The following MPPED1 variants were observed in gnomAD, a reference collection of about 807,000 sequenced individuals.
MPPED1 encodes the protein metallophosphoesterase domain containing 1, also known as metallophosphoesterase domain-containing protein 1.
MPPED1 carries 16 observed loss-of-function variants against 36.2 expected under a neutral mutation model. That is an observed-to-expected ratio of 0.44 (90% CI 0.30 to 0.67). MPPED1 has a LOEUF of 0.67. Ranked by LOEUF, MPPED1 falls within the 30% of genes least tolerant of loss-of-function variation. The probability of loss-of-function intolerance (pLI) is 0.10; values close to 1 mark genes in which losing one functional copy is unlikely to be tolerated. For synonymous variants in MPPED1, 199 were observed against 191.3 expected (o/e 1.04, Z -0.33); for missense variants, 307 against 453.4 (o/e 0.68, Z 2.93).
intron 2 of MPPED1, among the ~76,000 whole-genome samples, chr22:43,428,226 G>A (rs557328330): frequency 6.6e-6 from 1 of 152,284 alleles, no homozygotes; most frequent in African/African-American, 2.4e-5. Context: ...ATTCACACCT[G>A]GCCTGCCCCA....
intron 3 of MPPED1, among the ~76,000 whole-genome samples, chr22:43,441,624 T>G (rs1930152063): frequency 6.6e-6 from 1 of 151,824 alleles, no homozygotes; most frequent in African/African-American, 2.4e-5. Context: ...GGTAATGGAG[T>G]ATTTAGAAGT....
intron 4 of MPPED1, among the ~76,000 whole-genome samples, chr22:43,485,916 G>T (rs772074452): frequency 6.6e-6 from 1 of 152,198 alleles, no homozygotes; most frequent in African/African-American, 2.4e-5. Flanking sequence ...TGCCAGCTCC[G>T]CACTGCCCTG....
chr22:43,502,798 C>T lies in MPPED1; in HGVS notation c.862+41C>T. On this transcript the variant is annotated intron_variant, in intron 6 of 6. Transcript: ENST00000443721. The surrounding 1 kb of genome is among the most constrained non-coding windows in gnomAD (Gnocchi z 5.5). ...AGACAGGCACCTCACGGGCTAGGGG[C>T]TCCTAATGGACCCTCCAGCAGGACC... The T allele has an allele frequency of 4.6e-6, 7 of 1,537,260 alleles. No individual in the cohort carries two copies. Among genetic ancestry groups the T allele is most frequent in the Non-Finnish European group, 6.3e-6 (7 of 1,110,880 alleles).
Position 43,498,332 on chromosome 22 carries a change from A to T in MPPED1, c.730A>T (p.Thr244Ser), listed in dbSNP as rs942792441. 1.3e-6 allele frequency: 2 copies of T among 1,534,752 alleles called. No individual in the cohort carries two copies. The highest frequency in any genetic ancestry group is 1.7e-6 in the Non-Finnish European group (2 of 1,146,292). The change falls in exon 5 of 7, where the codon ACC becomes TCC. Residue 244 changes from threonine to serine, a missense_variant. Thr to Ser is a moderately conservative substitution (Grantham distance 58). Transcript: ENST00000443721. ...LIPEGVDILI[T>S]HGPPLGFLDW... ...TCCCGAAGGCGTAGACATCCTGATA[A>T]CCCATGGACCACCACTGGGTAAGGC...
intron 3 of MPPED1, among the ~76,000 whole-genome samples, chr22:43,464,387 C>G (rs894926103): frequency 1.3e-5 from 2 of 151,794 alleles, no homozygotes; most frequent in African/African-American, 4.8e-5. Flanking sequence ...TTTGGGCAAG[C>G]CCTATATTGA....
intron 3 of MPPED1, among the ~76,000 whole-genome samples, chr22:43,447,370 A>T (rs1489314873): frequency 1.3e-5 from 2 of 152,150 alleles, no homozygotes; most frequent in African/African-American, 2.4e-5. Context: ...TTATTCCAGA[A>T]CAGGAATAAT....
chr22:43,426,541 A>T (rs1929480963), intron 2 of MPPED1, among the ~76,000 whole-genome samples: 1 of 152,150 alleles, frequency 6.6e-6, no homozygotes, highest in African/African-American at 2.4e-5. Flanking sequence ...TGCTTGTGGC[A>T]TCCCAGCCGC....
At chr22:43,465,757 G>C (rs955953120) in intron 3 of MPPED1, among the ~76,000 whole-genome samples, 1 of 152,202 alleles carries the variant, frequency 6.6e-6, no homozygotes, top group East Asian at 1.9e-4. Context: ...TCAGAAGGAA[G>C]GGCGGGAAGA....
At chr22:43,413,896 C>T (rs1423469295) in intron 1 of MPPED1, among the ~76,000 whole-genome samples, 1 of 152,142 alleles carries the variant, frequency 6.6e-6, no homozygotes, top group Non-Finnish European at 1.5e-5. Context: ...TATTTCTCGG[C>T]CCCAGGAATT....
At chr22:43,505,177 A>C (rs1033090617) in intron 6 of MPPED1, among the ~76,000 whole-genome samples, 3 of 149,320 alleles carry the variant, frequency 2.0e-5, no homozygotes, top group African/African-American at 7.4e-5. Flanking sequence ...ATGGTGGTAC[A>C]GTGGTGGTGG....
intron 4 of MPPED1, among the ~76,000 whole-genome samples, chr22:43,491,085 A>G (rs375617272): frequency 7.2e-5 from 11 of 152,322 alleles, no homozygotes; most frequent in African/African-American, 2.6e-4. Context: ...TGGACTCTCA[A>G]ATCTTGGGGA....
chr22:43,495,311 ATGGTGGTGGTGATGGTGGT>A, intron 4 of MPPED1, among the ~76,000 whole-genome samples: 1 of 54,150 alleles, frequency 1.8e-5, no homozygotes, highest in Middle Eastern at 0.014. Context: ...GATGGTGGTG[ATGGTGGTGGTGATGGTGGT>A]GGTAGTGATG....
At chr22:43,458,109 G>GT (rs1190024933) in intron 3 of MPPED1, among the ~76,000 whole-genome samples, 1 of 152,098 alleles carries the variant, frequency 6.6e-6, no homozygotes, top group East Asian at 1.9e-4. Flanking sequence ...GTAGTAGGCT[G>GT]TATGATCTAG....
chr22:43,474,818 C>T lies in MPPED1; in HGVS notation c.489C>T (p.Ile163=), dbSNP rs1188301591. 1.2e-6 allele frequency: 2 copies of T among 1,614,074 alleles called. No individual in the cohort carries two copies. The highest frequency in any genetic ancestry group is 8.5e-7 in the Non-Finnish European group (1 of 1,179,910). ...TFDQEFMADL[I]KQDFYYFPSV... ...ACCAGGAGTTCATGGCCGACCTCAT[C>T]AAGCAGGACTTTTACTACTTCCCAT... Residue 163 remains isoleucine (I), a synonymous_variant, in exon 4 of 7, where the codon ATC becomes ATT. Transcript: ENST00000443721. The surrounding 1 kb of genome is among the most constrained non-coding windows in gnomAD (Gnocchi z 5.2).
chr22:43,452,694 A>T (rs1430113422), intron 3 of MPPED1, among the ~76,000 whole-genome samples: 1 of 152,140 alleles, frequency 6.6e-6, no homozygotes, highest in Non-Finnish European at 1.5e-5. Flanking sequence ...CAGTGGCATG[A>T]TCACGGCTCA....
intron 4 of MPPED1, among the ~76,000 whole-genome samples, chr22:43,493,292 T>C (rs1932158106): frequency 6.6e-6 from 1 of 152,212 alleles, no homozygotes; most frequent in South Asian, 2.1e-4. Context: ...AGTTGGGGTT[T>C]TCAAATGGGG....
chr22:43,500,003 G>A (rs1335758246), intron 5 of MPPED1, among the ~76,000 whole-genome samples: 4 of 48,338 alleles, frequency 8.3e-5, no homozygotes, highest in African/African-American at 1.3e-4. Context: ...TGGAGGTGGC[G>A]GTGGTGATGG....
rs1401511481 is a variant in MPPED1 at position 43,419,833 on chromosome 22, G to A, written c.-78-5075G>A. ...CTTTCCATACAGTTGGCGTCAAATGGGACCTGCTCCTTGGTGTCTTGGCTG... is the reference window on the plus strand; with the variant it reads ...CTTTCCATACAGTTGGCGTCAAATGAGACCTGCTCCTTGGTGTCTTGGCTG... On this transcript the variant is annotated intron_variant, in intron 1 of 6. Transcript: ENST00000443721. Among the ~76,000 whole-genome samples, 4 of 152,180 alleles carry A rather than the reference G, an allele frequency of 2.6e-5. No individual in the cohort carries two copies. In the East Asian group the frequency reaches 7.7e-4, roughly 29 times the overall value.
chr22:43,429,892 A>C (rs532287531), intron 2 of MPPED1, among the ~76,000 whole-genome samples: 5 of 152,332 alleles, frequency 3.3e-5, no homozygotes, highest in African/African-American at 1.2e-4. Context: ...AAGAGGGACC[A>C]GCAAGAGCAG....
Sources: allele counts gnomAD v4.1 joint callset (sites outside exome capture counted in the v4.1 genomes callset), GRCh38; gene constraint gnomAD v4.1.1; non-coding constraint Gnocchi (gnomAD v3.1); transcripts MANE v1.5; gene names NCBI Gene and HGNC (gene_info 2026-07-23, HGNC 2026-07-21).